Variants in MAML2 observed in about 807,000 individuals in gnomAD.
The protein encoded by MAML2 is mastermind like transcriptional coactivator 2, also known as mastermind-like protein 2.
In MAML2, 22 loss-of-function variants were observed where a neutral mutation model predicts 96.1. The observed-to-expected ratio is 0.23, with a 90% confidence interval of 0.16 to 0.33. The LOEUF is 0.33. MAML2 is among the 10% of genes least tolerant of loss of function. MAML2 has a pLI of 1.00. For synonymous variants in MAML2, 561 were observed against 521.3 expected, an observed-to-expected ratio of 1.08 and a Z score of -1.04; for missense variants, 1,367 against 1,392.4, an observed-to-expected ratio of 0.98 and a Z score of 0.29.
chr11:95,985,549 G>T lies in MAML2; in HGVS notation c.2437C>A (p.Pro813Thr), dbSNP rs756827374. 1.2e-6 allele frequency: 2 copies of T among 1,606,446 alleles called. No homozygotes were observed. The highest frequency in any genetic ancestry group is 1.1e-5 in the South Asian group (1 of 90,428). ...DQRRNVGNMQPTAQYSGGSST... is the reference protein window; with the variant it reads ...DQRRNVGNMQTTAQYSGGSST... ...CACTTACCAGAATACTGAGCAGTTG[G>T]TTGCATATTGCCCACATTTCTTCTT... is the stretch of plus-strand genomic sequence containing the variant. The change falls in exon 4 of 5, where the codon CCA (proline) becomes ACA (threonine). Residue 813 changes from proline (P) to threonine (T), a missense_variant. Coordinates refer to ENST00000524717, the MANE Select transcript of MAML2 (RefSeq NM_032427.4).
At chr11:96,195,852 A>G (rs1861722244) in intron 1 of MAML2, among the ~76,000 whole-genome samples, 2 of 152,358 alleles carry the variant, frequency 1.3e-5, no homozygotes, top group East Asian at 3.9e-4. Context: ...GACATGTTCC[A>G]CCATTTTTTC....
At chr11:96,249,342 T>C (rs985111623) in intron 1 of MAML2, among the ~76,000 whole-genome samples, 4 of 152,196 alleles carry the variant, frequency 2.6e-5, no homozygotes, top group Non-Finnish European at 4.4e-5. Flanking sequence ...CTCCAGGTGT[T>C]TTCTTTCAGC....
At chr11:96,153,954 A>G (rs1860970072) in intron 1 of MAML2, among the ~76,000 whole-genome samples, 1 of 140,570 alleles carries the variant, frequency 7.1e-6, no homozygotes, top group Admixed American at 7.0e-5. Context: ...AATAAATATG[A>G]TAAAACAAAA....
chr11:96,289,336 T>G (rs1194400125), intron 1 of MAML2, among the ~76,000 whole-genome samples: 1 of 152,172 alleles, frequency 6.6e-6, no homozygotes, highest in Non-Finnish European at 1.5e-5. Flanking sequence ...GGATTACAAA[T>G]TTAACTACAA....
chr11:96,274,077 C>CATTTTTTTTTTTTTTTTTT, intron 1 of MAML2, among the ~76,000 whole-genome samples: 1 of 91,792 alleles, frequency 1.1e-5, no homozygotes, highest in Non-Finnish European at 2.1e-5. Flanking sequence ...TTTCCTTTTC[C>CATTTTTTTTTTTTTTTTTT]TTTTTTTTTT....
At chr11:96,013,799 C>T (rs1272998581) in intron 2 of MAML2, among the ~76,000 whole-genome samples, 1 of 152,194 alleles carries the variant, frequency 6.6e-6, no homozygotes, top group East Asian at 1.9e-4. Flanking sequence ...TCTGGTTCCT[C>T]CATCTGCTGA....
chr11:95,981,797 C>T (rs1214315113), intron 4 of MAML2, among the ~76,000 whole-genome samples: 1 of 152,082 alleles, frequency 6.6e-6, no homozygotes, highest in African/African-American at 2.4e-5. Context: ...CTGAAAGTTT[C>T]ATATCAAGGG....
At position 95,979,005 on chromosome 11, in the gene MAML2, A is replaced by G. The variant is rs776613543; in HGVS notation, c.3414T>C (p.Gly1138=). 8 of 1,613,820 alleles carry G rather than the reference A, an allele frequency of 5.0e-6. No homozygotes were observed. The highest frequency in any genetic ancestry group is 1.1e-5 in the South Asian group (1 of 91,060). ...TGATGTCTTTCATCCAGTCATCATT[A>G]CCAGGCTCTGTCTTCAATAAAGAAT... The part of the protein sequence containing the change: ...FIDSLLKTEP[G]NDDWMKDINL... Residue 1138 remains glycine, a synonymous_variant, in exon 5 of 5, where the codon GGT becomes GGC. Coordinates refer to ENST00000524717, the MANE Select transcript of MAML2 (RefSeq NM_032427.4).
chr11:96,063,128 C>T (rs577198887), intron 2 of MAML2, among the ~76,000 whole-genome samples: 98 of 152,094 alleles, frequency 6.4e-4, no homozygotes, highest in Non-Finnish European at 1.4e-3. Flanking sequence ...TTCCTGCTGT[C>T]TCACTTCTTG....
chr11:96,077,336 C>T (rs1006952741), intron 2 of MAML2, among the ~76,000 whole-genome samples: 1 of 149,928 alleles, frequency 6.7e-6, no homozygotes, highest in African/African-American at 2.5e-5. Flanking sequence ...TTTTCCTGCC[C>T]CAGCCTCCCA....
At chr11:96,052,608 T>A (rs781332097) in intron 2 of MAML2, among the ~76,000 whole-genome samples, 11 of 152,188 alleles carry the variant, frequency 7.2e-5, no homozygotes, top group Admixed American at 2.6e-4. Flanking sequence ...TGGTTCCTTT[T>A]TATCCACCAG....
chr11:96,161,404 C>T (rs919724861), intron 1 of MAML2, among the ~76,000 whole-genome samples: 1 of 152,190 alleles, frequency 6.6e-6, no homozygotes, highest in Non-Finnish European at 1.5e-5. Context: ...TTGAGCAGAA[C>T]AGCCCGGATC....
intron 2 of MAML2, among the ~76,000 whole-genome samples, chr11:96,007,396 T>G (rs1037138479): frequency 6.6e-6 from 1 of 152,180 alleles, no homozygotes; most frequent in African/African-American, 2.4e-5. Context: ...TTACATTAAT[T>G]CATCAAAATA....
At chr11:96,080,493 A>C (rs1464701797) in intron 2 of MAML2, among the ~76,000 whole-genome samples, 1 of 152,236 alleles carries the variant, frequency 6.6e-6, no homozygotes. Context: ...GGAATCATAA[A>C]ATTCAAAATA....
intron 2 of MAML2, among the ~76,000 whole-genome samples, chr11:96,089,117 G>A (rs951859000): frequency 2.0e-5 from 3 of 151,988 alleles, no homozygotes; most frequent in Non-Finnish European, 4.4e-5. Context: ...AAATTTAAGA[G>A]TTGCTTAACT....
intron 1 of MAML2, among the ~76,000 whole-genome samples, chr11:96,228,464 C>T (rs1862245591): frequency 6.6e-6 from 1 of 152,192 alleles, no homozygotes; most frequent in African/African-American, 2.4e-5. Flanking sequence ...CAAACACTTT[C>T]CCCAAGTCAA....
At chr11:96,336,296 C>A (rs1313782707) in intron 1 of MAML2, among the ~76,000 whole-genome samples, 2 of 152,070 alleles carry the variant, frequency 1.3e-5, no homozygotes, top group African/African-American at 4.8e-5. Flanking sequence ...AATTAAAAAG[C>A]CTTGTACATT....
intron 1 of MAML2, among the ~76,000 whole-genome samples, chr11:96,125,449 C>A (rs1305248891): frequency 6.6e-6 from 1 of 152,126 alleles, no homozygotes; most frequent in Non-Finnish European, 1.5e-5. Context: ...AAGGCTCTGA[C>A]CCCCACCAGA....
chr11:95,989,933 A>G (rs1857884833), intron 3 of MAML2, among the ~76,000 whole-genome samples: 1 of 152,174 alleles, frequency 6.6e-6, no homozygotes, highest in Non-Finnish European at 1.5e-5. Context: ...GGCATTAAAT[A>G]TTTCATAATG....
Sources: gnomAD v4.1 joint callset for allele counts (sites outside exome capture counted in the v4.1 genomes callset) on GRCh38, gnomAD v4.1.1 for gene constraint, MANE v1.5 for transcripts, NCBI Gene and HGNC (gene_info 2026-07-23, HGNC 2026-07-21) for gene names.